Variants in PADI6 observed in about 807,000 individuals in gnomAD.
The protein encoded by PADI6 is peptidyl arginine deiminase 6.
In PADI6, 66 loss-of-function variants were observed where a neutral mutation model predicts 78.2. The ratio of observed to expected loss-of-function variants is 0.84; its 90% CI spans 0.69 to 1.04. PADI6 has a LOEUF of 1.04. Among genes scored for constraint, PADI6 ranks in the 50% least tolerant of loss-of-function variants. PADI6 has a pLI of 0.00. For synonymous variants in PADI6, 397 were observed against 346.9 expected, an observed-to-expected ratio of 1.14 and a Z score of -1.60; for missense variants, 854 against 866.1, an observed-to-expected ratio of 0.99 and a Z score of 0.18.
At position 17,379,926 on chromosome 1, in the gene PADI6, C is replaced by G. The variant is rs1425992959; in HGVS notation, c.374C>G (p.Ser125Cys). 6.2e-7 allele frequency: 1 copy of G among 1,613,446 alleles called. No homozygotes were observed. The highest frequency in any genetic ancestry group is 1.3e-5 in the African/African-American group (1 of 75,028). The part of the protein sequence containing the change: ...AVLYLTGIEV[S>C]LEVDIYRNGQ... Reference sequence around the variant, plus strand: ...CCCTTTTCTTCTGTTTCAGAGGTCTCTCTAGAGGTAGACATCTACCGCAAT... The same window carrying G: ...CCCTTTTCTTCTGTTTCAGAGGTCTGTCTAGAGGTAGACATCTACCGCAAT... Residue 125 changes from serine (S) to cysteine (C), a missense_variant, in exon 4 of 16, where the codon TCT (serine) becomes TGT (cysteine). Coordinates refer to ENST00000619609, the MANE Select transcript of PADI6 (RefSeq NM_207421.4).
intron 3 of PADI6, among the ~76,000 whole-genome samples, chr1:17,375,905 A>G (rs1353253730): frequency 2.6e-5 from 4 of 152,054 alleles, no homozygotes; most frequent in African/African-American, 2.4e-5. Flanking sequence ...TTACCAATGT[A>G]AGAAGCCGCC....
At position 17,401,364 on chromosome 1, in the gene PADI6, G is replaced by A. The variant is rs78393373; in HGVS notation, c.2011G>A (p.Val671Ile). The change falls in exon 16 of 16, where the codon GTC becomes ATC. Residue 671 changes from valine (V) to isoleucine (I), a missense_variant. Transcript: ENST00000619609. The part of the protein sequence containing the change: ...INDFDCYLTE[V>I]GDICACANIR... Reference sequence around the variant, plus strand: ...TGACTTTGACTGTTACCTGACAGAGGTCGGAGACATCTGTGCCTGTGCCAA... The same window carrying A: ...TGACTTTGACTGTTACCTGACAGAGATCGGAGACATCTGTGCCTGTGCCAA... The A allele has an allele frequency of 0.014, 22,851 of 1,614,052 alleles. 237 individuals carry two copies. Among genetic ancestry groups the A allele is most frequent in the Admixed American group, 0.019 (1,143 of 60,026 alleles).
chr1:17,400,211 A>C (rs2075287497), intron 15 of PADI6, among the ~76,000 whole-genome samples: 1 of 149,530 alleles, frequency 6.7e-6, no homozygotes, highest in Admixed American at 6.7e-5. Flanking sequence ...ACCAAACCAA[A>C]AAAAAAAAAA....
chr1:17,392,072 C>T (rs1162969189), intron 8 of PADI6, 42 bp from the exon 9 acceptor site: 8 of 1,507,198 alleles, frequency 5.3e-6, no homozygotes, highest in African/African-American at 2.8e-5. Context: ...CAGTAAGGGA[C>T]CTTCGAAAGC....
At position 17,395,057 on chromosome 1, in the gene PADI6, G is replaced by C; in HGVS notation, c.1444G>C (p.Asp482His). 1.2e-6 allele frequency: 2 copies of C among 1,614,030 alleles called. No homozygotes were observed. The highest frequency in any genetic ancestry group is 1.7e-6 in the Non-Finnish European group (2 of 1,179,942). The change falls in exon 12 of 16, where the codon GAT (aspartate) becomes CAT (histidine). Residue 482 changes from aspartate to histidine, a missense_variant. Transcript: ENST00000619609. Reference protein sequence around the residue: ...YSDWLMTGHVDEFMCFIPTDD... With the variant: ...YSDWLMTGHVHEFMCFIPTDD... ...AGATTGGCTAATGACTGGCCACGTG[G>C]ATGAGTTCATGTGCTTCATCCCCAC...
intron 6 of PADI6, among the ~76,000 whole-genome samples, chr1:17,383,646 G>A (rs370205858): frequency 7.2e-4 from 109 of 152,274 alleles, no homozygotes; most frequent in African/African-American, 2.4e-3. Context: ...TCAGGAGTTC[G>A]AGAACAGCCT....
intron 4 of PADI6, among the ~76,000 whole-genome samples, chr1:17,380,562 G>A (rs2075062862): frequency 6.6e-6 from 1 of 152,140 alleles, no homozygotes; most frequent in Non-Finnish European, 1.5e-5. Flanking sequence ...GTAGAGACGA[G>A]GTTTCACTGT....
intron 9 of PADI6, among the ~76,000 whole-genome samples, chr1:17,393,228 G>A (rs1287025769): frequency 1.3e-5 from 2 of 152,162 alleles, no homozygotes; most frequent in Non-Finnish European, 2.9e-5. Flanking sequence ...AAGGTGAAAG[G>A]CAGGGCTACC....
At chr1:17,377,660 C>G (rs943419673) in intron 3 of PADI6, among the ~76,000 whole-genome samples, 2 of 152,192 alleles carry the variant, frequency 1.3e-5, no homozygotes, top group African/African-American at 2.4e-5. Context: ...CCTGATTCTT[C>G]TTACCCCACA....
Position 17,375,479 on chromosome 1 carries a change from T to C in PADI6, c.347T>C (p.Val116Ala). ...PNEDAPVGTA[V>A]LYLTGIEVSL... Reference sequence around the variant, plus strand: ...GAGGATGCCCCCGTGGGCACAGCTGTGCTGTACCTCACTGGCATTGGTGAG... The same window carrying C: ...GAGGATGCCCCCGTGGGCACAGCTGCGCTGTACCTCACTGGCATTGGTGAG... The change falls in exon 3 of 16, where the codon GTG becomes GCG. Residue 116 changes from valine to alanine, a missense_variant. By Grantham distance (64) the Val-to-Ala change is moderately conservative. Transcript: ENST00000619609. 6.2e-7 allele frequency: 1 copy of C among 1,609,152 alleles called. No homozygotes were observed.
At chr1:17,374,187 T>G (rs2074993149) in intron 2 of PADI6, among the ~76,000 whole-genome samples, 1 of 152,034 alleles carries the variant, frequency 6.6e-6, no homozygotes, top group Non-Finnish European at 1.5e-5. Flanking sequence ...AGTTCAGGAC[T>G]GGGAGAGCTC....
chr1:17,395,181 G>A (rs1365621298), intron 12 of PADI6, 74 bp downstream of exon 12: 4 of 1,483,784 alleles, frequency 2.7e-6, no homozygotes, highest in East Asian at 4.6e-5. Context: ...ATTCTGGAGA[G>A]AAAACTGGCT....
intron 2 of PADI6, 45 bp downstream of exon 2, chr1:17,373,278 C>T (rs755736308): frequency 1.3e-6 from 2 of 1,593,022 alleles, no homozygotes; most frequent in South Asian, 2.2e-5. Flanking sequence ...CGGGGTGGGA[C>T]CTAGCACAGC....
At chr1:17,397,248 G>C in intron 14 of PADI6, 107 bp downstream of exon 14, 1 of 1,217,926 alleles carries the variant, frequency 8.2e-7, no homozygotes, top group Non-Finnish European at 1.2e-6. Context: ...TGGGCGGCGG[G>C]GGGCAGCTGC....
At chr1:17,390,089 C>T (rs530518445) in intron 8 of PADI6, among the ~76,000 whole-genome samples, 39 of 151,524 alleles carry the variant, frequency 2.6e-4, no homozygotes, top group African/African-American at 8.2e-4. Flanking sequence ...ACCTGAGGGT[C>T]GGAAGTTCGA....
chr1:17,398,890 C>T lies in PADI6; in HGVS notation c.1851+43C>T, dbSNP rs779101703. On this transcript the variant is annotated intron_variant, in intron 15 of 15. Transcript: ENST00000619609. ...ATCCCTGGGTGGGGGAGGGCCTGTCCAGGCAACACTGGCTGCCACCTCACT... is the reference window on the plus strand; with the variant it reads ...ATCCCTGGGTGGGGGAGGGCCTGTCTAGGCAACACTGGCTGCCACCTCACT... 3.1e-6 allele frequency: 5 copies of T among 1,592,726 alleles called. No individual in the cohort carries two copies. In the South Asian group the frequency reaches 5.6e-5, roughly 18 times the overall value.
At chr1:17,376,209 G>C (rs149271318) in intron 3 of PADI6, among the ~76,000 whole-genome samples, 2 of 151,638 alleles carry the variant, frequency 1.3e-5, no homozygotes, top group Non-Finnish European at 2.9e-5. Flanking sequence ...TCCTGACCTC[G>C]CGATCCACCT....
chr1:17,392,355 T>A lies in PADI6; in HGVS notation c.1074+130T>A, dbSNP rs2075195228. On this transcript the variant is annotated intron_variant, in intron 9 of 15. Coordinates refer to ENST00000619609, the MANE Select transcript of PADI6 (RefSeq NM_207421.4). ...AGCCTTGATAGGGGCGGCCCTGTTC[T>A]TAGGACTTCAGTGGAGGCTCAGATG... 10 of 645,610 alleles carry A rather than the reference T, an allele frequency of 1.5e-5. No homozygotes were observed. The South Asian group carries it at 2.0e-4, about 13-fold the overall frequency. 40.0% of individuals were successfully genotyped at this position (645,610 alleles called of 1,614,324 possible).
At chr1:17,387,574 A>T (rs1280113882) in intron 6 of PADI6, among the ~76,000 whole-genome samples, 2 of 152,030 alleles carry the variant, frequency 1.3e-5, no homozygotes, top group Non-Finnish European at 2.9e-5. Context: ...GAGACGGTGA[A>T]ATCCCGTCTC....
Sources: allele counts gnomAD v4.1 joint callset (sites outside exome capture counted in the v4.1 genomes callset), GRCh38; gene constraint gnomAD v4.1.1; transcripts MANE v1.5; gene names NCBI Gene and HGNC (gene_info 2026-07-23, HGNC 2026-07-21).